NELL1: variants seen among roughly 807,000 people sequenced by gnomAD.
The protein encoded by NELL1 is protein kinase C-binding protein NELL1.
A neutral mutation model predicts 107.4 loss-of-function variants in NELL1; 76 were observed. The observed-to-expected ratio is 0.71, with a 90% CI of 0.59 to 0.86. NELL1 has a LOEUF of 0.86. Among genes scored for constraint, NELL1 ranks in the 40% least tolerant of loss-of-function variants. The probability of loss-of-function intolerance (pLI) is 0.00; values close to 1 mark genes in which losing one functional copy is unlikely to be tolerated. For missense variants in NELL1, 1,024 were observed against 1,005.5 expected (o/e 1.02, Z -0.25); for synonymous variants, 353 against 341.2 (o/e 1.03, Z -0.38).
At chr11:20,984,428 A>G (rs1242796502) in intron 12 of NELL1, among the ~76,000 whole-genome samples, 1 of 152,138 alleles carries the variant, frequency 6.6e-6, no homozygotes, top group African/African-American at 2.4e-5. Context: ...TGATCTGCAA[A>G]AAGGGTTAGT....
intron 3 of NELL1, among the ~76,000 whole-genome samples, chr11:20,810,483 T>C (rs189924716): frequency 4.6e-5 from 7 of 152,332 alleles, no homozygotes; most frequent in Non-Finnish European, 7.4e-5. Context: ...TGGTTTTCCA[T>C]TCTGAGTTAC....
At chr11:20,926,968 CATA>C (rs146298054) in intron 7 of NELL1, 10 of 197,354 alleles carry the variant, frequency 5.1e-5, no homozygotes, top group Non-Finnish European at 8.2e-5. Context: ...CTGTAAACAT[CATA>C]ATGAGTCCTT....
chr11:20,855,242 G>C (rs1848861749), intron 4 of NELL1, among the ~76,000 whole-genome samples: 1 of 151,648 alleles, frequency 6.6e-6, no homozygotes, highest in South Asian at 2.1e-4. Flanking sequence ...ATGGCAAAGA[G>C]AGATAGAAGG....
chr11:21,094,657 A>C (rs910876513), intron 12 of NELL1, among the ~76,000 whole-genome samples: 1 of 152,202 alleles, frequency 6.6e-6, no homozygotes, highest in Non-Finnish European at 1.5e-5. Context: ...CACCATGTGG[A>C]AGCTGTCAAG....
intron 15 of NELL1, among the ~76,000 whole-genome samples, chr11:21,440,540 T>C (rs74966682): frequency 0.017 from 2,534 of 152,318 alleles, 67 homozygotes; most frequent in African/African-American, 0.058. Context: ...AGAAACAATG[T>C]CAAAATAAAT....
chr11:21,461,008 T>A (rs540237850), intron 15 of NELL1, among the ~76,000 whole-genome samples: 1 of 152,012 alleles, frequency 6.6e-6, no homozygotes, highest in Non-Finnish European at 1.5e-5. Flanking sequence ...TTTACTAGAG[T>A]CATTGGTAAA....
intron 10 of NELL1, among the ~76,000 whole-genome samples, chr11:20,942,229 C>T (rs918255880): frequency 6.6e-6 from 1 of 152,188 alleles, no homozygotes; most frequent in African/African-American, 2.4e-5. Flanking sequence ...AGACTGTACC[C>T]TAAAGGTTAG....
At chr11:21,031,111 G>A (rs982439246) in intron 12 of NELL1, among the ~76,000 whole-genome samples, 1 of 151,994 alleles carries the variant, frequency 6.6e-6, no homozygotes, top group African/African-American at 2.4e-5. Flanking sequence ...TCTATCATTA[G>A]CATACTTCTC....
intron 2 of NELL1, among the ~76,000 whole-genome samples, chr11:20,717,787 T>C (rs1282139483): frequency 6.6e-6 from 1 of 152,220 alleles, no homozygotes; most frequent in African/African-American, 2.4e-5. Context: ...TCCTTTAATT[T>C]TTGTCCCCCA....
chr11:21,419,861 T>TGATA (rs1441220687), intron 15 of NELL1, among the ~76,000 whole-genome samples: 1 of 152,216 alleles, frequency 6.6e-6, no homozygotes, highest in Non-Finnish European at 1.5e-5. Flanking sequence ...CTTTTATTCC[T>TGATA]GATACTTATA....
intron 10 of NELL1, among the ~76,000 whole-genome samples, chr11:20,943,495 A>G (rs1850899782): frequency 1.3e-5 from 2 of 152,098 alleles, no homozygotes; most frequent in African/African-American, 2.4e-5. Flanking sequence ...AGGCAGGGGA[A>G]TCGCTTGAAC....
chr11:21,372,926 T>C (rs1851390181), intron 15 of NELL1, among the ~76,000 whole-genome samples: 1 of 152,008 alleles, frequency 6.6e-6, no homozygotes, highest in Admixed American at 6.6e-5. Flanking sequence ...GTGCTTACAG[T>C]CTGGTTTGTA....
At chr11:20,986,357 G>T (rs182346044) in intron 12 of NELL1, among the ~76,000 whole-genome samples, 308 of 152,308 alleles carry the variant, frequency 2.0e-3, no homozygotes, top group African/African-American at 6.8e-3. Context: ...GGAGTGAAAG[G>T]CGTTGTTAAG....
intron 16 of NELL1, among the ~76,000 whole-genome samples, chr11:21,545,363 G>T (rs2133983278): frequency 6.6e-6 from 1 of 152,098 alleles, no homozygotes; most frequent in Middle Eastern, 3.4e-3. Context: ...AGTGCTGGAT[G>T]ACAATTTTGT....
chr11:20,958,388 G>A (rs1851221777), intron 11 of NELL1, among the ~76,000 whole-genome samples: 1 of 152,082 alleles, frequency 6.6e-6, no homozygotes, highest in Non-Finnish European at 1.5e-5. Context: ...ACTCCAACCT[G>A]GGCAACAGAG....
chr11:21,499,160 G>C (rs1440183616), intron 15 of NELL1, among the ~76,000 whole-genome samples: 1 of 151,740 alleles, frequency 6.6e-6, no homozygotes, highest in Non-Finnish European at 1.5e-5. Context: ...GGATCATTAA[G>C]ATATTATTTC....
chr11:21,399,685 C>G (rs1160064923), intron 15 of NELL1, among the ~76,000 whole-genome samples: 1 of 151,652 alleles, frequency 6.6e-6, no homozygotes, highest in Non-Finnish European at 1.5e-5. Flanking sequence ...TAATTTAACC[C>G]AAGTTTATAT....
intron 2 of NELL1, among the ~76,000 whole-genome samples, chr11:20,776,149 A>G (rs1856745564): frequency 6.6e-6 from 1 of 152,180 alleles, no homozygotes; most frequent in Admixed American, 6.5e-5. Flanking sequence ...GAATAAATAT[A>G]GCACTTGGCT....
intron 14 of NELL1, among the ~76,000 whole-genome samples, chr11:21,287,082 A>G (rs1379445964): frequency 1.3e-5 from 2 of 152,224 alleles, no homozygotes; most frequent in Non-Finnish European, 2.9e-5. Context: ...CTAAAAGATA[A>G]TTCTGAATAG....
Sources: gnomAD v4.1 joint callset for allele counts (sites outside exome capture counted in the v4.1 genomes callset) on GRCh38, gnomAD v4.1.1 for gene constraint, MANE v1.5 for transcripts, NCBI Gene and HGNC (gene_info 2026-07-23, HGNC 2026-07-21) for gene names.